Variants in BPIFB3 observed in about 807,000 individuals in gnomAD.
The protein encoded by BPIFB3 is BPI fold containing family B member 3.
A neutral mutation model predicts 53.1 loss-of-function variants in BPIFB3; 49 were observed. The observed-to-expected ratio is 0.92, with a 90% confidence interval of 0.73 to 1.17. The LOEUF (loss-of-function observed/expected upper bound fraction) is 1.17. Ranked by LOEUF, BPIFB3 falls within the 50% of genes most tolerant of loss-of-function variation. BPIFB3 has a pLI of 0.00. For synonymous variants in BPIFB3, 271 were observed against 269.6 expected, an observed-to-expected ratio of 1.01 and a Z score of -0.05; for missense variants, 628 against 592.5, an observed-to-expected ratio of 1.06 and a Z score of -0.62.
At chr20:33,072,276 G>T in intron 13 of BPIFB3, 109 bp downstream of exon 14, 1 of 1,196,016 alleles carries the variant, frequency 8.4e-7, no homozygotes. Flanking sequence ...CAGAGAGAGA[G>T]GTCGATCCTC....
chr20:33,060,639 G>A (rs989357408), intron 4 of BPIFB3, among the ~76,000 whole-genome samples: 6 of 151,842 alleles, frequency 4.0e-5, no homozygotes, highest in East Asian at 1.9e-4. Context: ...GTGCCATCTC[G>A]GCTCACTGCA....
chr20:33,059,992 G>T (rs199515506), exon 4 of BPIFB3: 19 of 1,614,050 alleles, frequency 1.2e-5, no homozygotes, highest in African/African-American at 4.0e-5. Context: ...ATCCTCAAGC[G>T]CTGCAGCACG....
At chr20:33,057,344 A>G (rs983462380) in intron 2 of BPIFB3, among the ~76,000 whole-genome samples, 9 of 151,864 alleles carry the variant, frequency 5.9e-5, no homozygotes, top group Non-Finnish European at 1.0e-4. Context: ...GCCCACCACC[A>G]CGACGGGCTA....
At chr20:33,063,197 C>A (rs540783170) in intron 5 of BPIFB3, among the ~76,000 whole-genome samples, 1 of 152,316 alleles carries the variant, frequency 6.6e-6, no homozygotes, top group East Asian at 1.9e-4. Context: ...AGAGGAGGTG[C>A]CCCTCTGTGG....
chr20:33,060,444 A>G (rs757796454), intron 4 of BPIFB3, among the ~76,000 whole-genome samples: 102 of 152,132 alleles, frequency 6.7e-4, no homozygotes, highest in Non-Finnish European at 1.3e-3. Flanking sequence ...CTGGGCCCCC[A>G]TGTCCCCATC....
upstream of BPIFB3, among the ~76,000 whole-genome samples, chr20:33,054,781 A>G (rs1186681138): frequency 6.6e-6 from 1 of 152,238 alleles, no homozygotes; most frequent in African/African-American, 2.4e-5. Flanking sequence ...TGCTTAAAGA[A>G]AAATCCCACT....
upstream of BPIFB3, among the ~76,000 whole-genome samples, chr20:33,054,534 A>G (rs1199283436): frequency 2.0e-5 from 3 of 152,214 alleles, no homozygotes; most frequent in African/African-American, 7.2e-5. Context: ...GGAGTCAGCC[A>G]TGCAAAGAAG....
intron 3 of BPIFB3, 56 bp downstream of exon 4, chr20:33,059,538 G>C (rs944335976): frequency 7.7e-7 from 1 of 1,292,378 alleles, no homozygotes; most frequent in Non-Finnish European, 1.1e-6. Context: ...CCCCTGACCT[G>C]TTGGAGACTC....
rs376151790 is a variant in BPIFB3 at position 33,062,624 on chromosome 20, A to G, written c.591+793A>G. 1.2e-4 allele frequency among the ~76,000 whole-genome samples: 18 copies of G among 152,370 alleles called. 1 individual carries two copies. In the East Asian group the frequency reaches 2.7e-3, roughly 23 times the overall value. ...TTAGTCTCTGGGGCAATTGGCCAGC[A>G]GCTAGGTTTTGTGTGATACAAAGAG... is the stretch of plus-strand genomic sequence containing the variant. On this transcript the variant is annotated intron_variant, in intron 5 of 14. Coordinates refer to ENST00000375494, the Ensembl canonical transcript of BPIFB3.
At chr20:33,059,344 G>A (rs1568992799) in intron 2 of BPIFB3, 34 bp from the exon 4 acceptor site, 1 of 1,536,704 alleles carries the variant, frequency 6.5e-7, no homozygotes, top group Non-Finnish European at 8.9e-7. Flanking sequence ...GGATGTCTGG[G>A]AGTGAGCAAC....
chr20:33,066,869 C>A, exon 9 of BPIFB3: 1 of 1,614,180 alleles, frequency 6.2e-7, no homozygotes, highest in Non-Finnish European at 8.5e-7. Flanking sequence ...GGCAGCTTTG[C>A]TCCCTGAGGT....
rs200481606 is a variant in BPIFB3 at position 33,071,328 on chromosome 20, T to G, written c.1260+33T>G. On this transcript the variant is annotated intron_variant, in intron 12 of 14. Transcript: ENST00000375494. ...CCTGGGAGGGTGAGGGGCTTGGCAG[T>G]GATGAGAGTCTTCAGGTGTGGCATG... The G allele has an allele frequency of 9.9e-5, 154 of 1,552,504 alleles. 1 individual carries two copies. The African/African-American group carries it at 1.9e-3, about 19-fold the overall frequency.
exon 7 of BPIFB3, chr20:33,064,514 T>C: frequency 1.2e-6 from 2 of 1,614,092 alleles, no homozygotes; most frequent in Non-Finnish European, 1.7e-6. Context: ...ACATTGCCTC[T>C]CATCTCCAAC....
At chr20:33,063,591 G>C in intron 5 of BPIFB3, 24 bp from the exon 7 acceptor site, 1 of 1,609,328 alleles carries the variant, frequency 6.2e-7, no homozygotes, top group Non-Finnish European at 8.5e-7. Context: ...TCTTTGCCCT[G>C]TAACATGTGT....
intron 10 of BPIFB3, among the ~76,000 whole-genome samples, chr20:33,069,418 C>T (rs1980797518): frequency 6.6e-6 from 1 of 152,190 alleles, no homozygotes; most frequent in Non-Finnish European, 1.5e-5. Context: ...GCCTGACATT[C>T]ATTGTCCTTC....
At chr20:33,072,720 C>T (rs750765679) in exon 14 of BPIFB3, 4 of 1,612,372 alleles carry the variant, frequency 2.5e-6, no homozygotes, top group South Asian at 2.2e-5. Flanking sequence ...TTCACAGTGG[C>T]CCTGGATGTT....
chr20:33,068,757 G>A (rs1415741897), intron 9 of BPIFB3, 46 bp from the exon 11 acceptor site: 2 of 1,581,598 alleles, frequency 1.3e-6, no homozygotes, highest in Non-Finnish European at 1.7e-6. Context: ...CTGACTGACT[G>A]ATTGTAGTCC....
exon 4 of BPIFB3, chr20:33,059,925 G>T (rs147000729): frequency 8.0e-5 from 129 of 1,614,034 alleles, no homozygotes; most frequent in Non-Finnish European, 1.3e-5. Flanking sequence ...GGCTGCGGAG[G>T]TGAACGTGAC....
chr20:33,062,333 T>A (rs1301249923), intron 5 of BPIFB3, among the ~76,000 whole-genome samples: 3 of 152,100 alleles, frequency 2.0e-5, no homozygotes, highest in Admixed American at 2.0e-4. Context: ...AAACCCCATA[T>A]CACCGAGGAA....
Sources: allele counts gnomAD v4.1 joint callset (sites outside exome capture counted in the v4.1 genomes callset), GRCh38; gene constraint gnomAD v4.1.1; transcripts MANE v1.5; gene names NCBI Gene and HGNC (gene_info 2026-07-23, HGNC 2026-07-21).